HMGB1: variants seen among roughly 807,000 people sequenced by gnomAD.
HMGB1 encodes the protein high mobility group protein B1.
For missense variants in HMGB1, 79 were observed against 253.5 expected (o/e 0.31, Z 4.67); for synonymous variants, 81 against 84.0 (o/e 0.96, Z 0.19).
chr13:30,498,521 C>T (rs942003306), intron 1 of HMGB1, among the ~76,000 whole-genome samples: 1 of 151,976 alleles, frequency 6.6e-6, no homozygotes, highest in Non-Finnish European at 1.5e-5. Context: ...ACATCACTCA[C>T]TCTATCCCTT....
Position 30,471,514 on chromosome 13 carries a change from A to AT in HMGB1, c.-14-7821dup, listed in dbSNP as rs933222421. On this transcript the variant is annotated intron_variant, in intron 1 of 4. Coordinates refer to the HMGB1 transcript ENST00000405805. ...AGGCATGGGCCACCACACCTGGCTA[A>AT]TTTTTTTTTTTTGTATTTTTAGTAG... is the stretch of plus-strand genomic sequence containing the variant. 4.1e-3 allele frequency among the ~76,000 whole-genome samples: 570 copies of AT among 140,442 alleles called. 13 individuals are homozygous for AT. The highest frequency in any genetic ancestry group is 4.7e-3 in the African/African-American group (179 of 38,304). The allele number at this position is 140,442 out of a possible 152,430, so 92.1% of individuals were successfully genotyped here.
intron 1 of HMGB1, among the ~76,000 whole-genome samples, chr13:30,583,649 G>C (rs1463042128): frequency 1.3e-5 from 2 of 150,880 alleles, no homozygotes; most frequent in Non-Finnish European, 3.0e-5. Flanking sequence ...GACCATCCTG[G>C]CCAACATGGT....
intron 1 of HMGB1, among the ~76,000 whole-genome samples, chr13:30,490,762 G>A (rs1887472022): frequency 6.6e-6 from 1 of 151,884 alleles, no homozygotes; most frequent in African/African-American, 2.4e-5. Flanking sequence ...CAGCTTGGGC[G>A]ACAGAATAAG....
chr13:30,480,273 A>G (rs764232914), intron 1 of HMGB1, among the ~76,000 whole-genome samples: 8 of 152,274 alleles, frequency 5.3e-5, no homozygotes, highest in Non-Finnish European at 1.2e-4. Flanking sequence ...CAATGAATTC[A>G]GTCTACGTTT....
intron 1 of HMGB1, among the ~76,000 whole-genome samples, chr13:30,574,495 A>G (rs2137536767): frequency 6.6e-6 from 1 of 152,320 alleles, no homozygotes; most frequent in South Asian, 2.1e-4. Context: ...GACGGTAAAA[A>G]TTTCTTCTCA....
In HMGB1 at chr13:30,460,128, AAAG is replaced by A. The variant is rs1362982101; in HGVS notation, c.*1226_*1228del. The A allele has an allele frequency of 2.0e-5, 3 of 152,552 alleles. No individual in the cohort carries two copies. Among genetic ancestry groups the A allele is most frequent in the African/African-American group, 7.2e-5 (3 of 41,386 alleles). The allele number at this position is 152,552 out of a possible 1,614,324, so 9.4% of individuals were successfully genotyped here. ...TGACTAATGAATGAGTTTGTTTTGT[AAAG>A]AAAAATCATTCAAATAAATTGAATA... On this transcript the variant is annotated 3_prime_UTR_variant, in exon 5 of 5. Transcript: ENST00000341423.
chr13:30,464,664 C>G, intron 1 of HMGB1: 2 of 982,362 alleles, frequency 2.0e-6, no homozygotes, highest in Non-Finnish European at 2.4e-6. Flanking sequence ...CCGCGGCCGC[C>G]GGGGCCGGCG....
intron 1 of HMGB1, among the ~76,000 whole-genome samples, chr13:30,529,236 C>T (rs942735284): frequency 3.9e-5 from 6 of 152,056 alleles, no homozygotes; most frequent in African/African-American, 9.7e-5. Flanking sequence ...AGTCTCTCTG[C>T]GTGCCCCCTT....
At position 30,460,046 on chromosome 13, in the gene HMGB1, A is replaced by T. The variant is rs1410889841; in HGVS notation, c.*1311T>A. The T allele has an allele frequency of 3.3e-5, 5 of 152,608 alleles. No homozygotes were observed. Among genetic ancestry groups the T allele is most frequent in the Non-Finnish European group, 7.4e-5 (5 of 67,986 alleles). The allele number at this position is 152,608 out of a possible 1,614,324, so 9.5% of individuals were successfully genotyped here. A position where few individuals can be genotyped will look rare whatever the true frequency, so the allele number is the denominator to read the frequency against. On this transcript the variant is annotated 3_prime_UTR_variant, in exon 5 of 5. Coordinates refer to ENST00000341423, the MANE Select transcript of HMGB1 (RefSeq NM_002128.7). Reference sequence around the variant, plus strand: ...AATACTGGCACTTTAAGAAAACGATAATCTCGAAAACCACAAAATTGCCAA... The same window carrying T: ...AATACTGGCACTTTAAGAAAACGATTATCTCGAAAACCACAAAATTGCCAA...
chr13:30,537,652 C>CAT (rs58424009), intron 1 of HMGB1, among the ~76,000 whole-genome samples: 8,033 of 65,282 alleles, frequency 0.12, 827 homozygotes, highest in Non-Finnish European at 0.18. Context: ...CATTCTTGTT[C>CAT]ATATATATAT....
At chr13:30,517,592 C>T (rs1888128817) in intron 1 of HMGB1, among the ~76,000 whole-genome samples, 1 of 152,148 alleles carries the variant, frequency 6.6e-6, no homozygotes, top group Non-Finnish European at 1.5e-5. Context: ...TGGGGTTTCA[C>T]CATGTTGGCC....
At chr13:30,526,402 C>G (rs1003081431) in intron 1 of HMGB1, among the ~76,000 whole-genome samples, 3 of 152,176 alleles carry the variant, frequency 2.0e-5, no homozygotes, top group Admixed American at 6.5e-5. Context: ...TTCATTATTT[C>G]TCTAACTCTA....
At chr13:30,538,568 TTTTCTTTC>T (rs138089091) in intron 1 of HMGB1, among the ~76,000 whole-genome samples, 2 of 86,054 alleles carry the variant, frequency 2.3e-5, no homozygotes, top group African/African-American at 1.1e-4. Flanking sequence ...TCTTTCTTCT[TTTTCTTTC>T]TTTCTTTCTT....
At chr13:30,555,080 T>C (rs144392699) in intron 1 of HMGB1, among the ~76,000 whole-genome samples, 2,189 of 142,870 alleles carry the variant, frequency 0.015, 67 homozygotes, top group African/African-American at 0.052. Context: ...TCTGCTCTGT[T>C]GCCCAGGCTG....
chr13:30,462,950 T>C (rs931007852), intron 3 of HMGB1, among the ~76,000 whole-genome samples: 3 of 152,154 alleles, frequency 2.0e-5, no homozygotes, highest in Admixed American at 1.3e-4. Context: ...TTCAAAGGGA[T>C]AGTATTTTTC....
chr13:30,506,214 C>G (rs1373088888), intron 1 of HMGB1, among the ~76,000 whole-genome samples: 2 of 152,112 alleles, frequency 1.3e-5, no homozygotes, highest in Non-Finnish European at 2.9e-5. Flanking sequence ...TGGGGCCTTG[C>G]AGGGAGGAAT....
chr13:30,474,964 T>TTTTTTG lies in HMGB1; in HGVS notation c.-14-11271_-14-11270insCAAAAA, dbSNP rs1425545090. Among the ~76,000 whole-genome samples, 254 of 82,424 alleles carry TTTTTTG rather than the reference T, an allele frequency of 3.1e-3. 3 individuals carry two copies. Among genetic ancestry groups the TTTTTTG allele is most frequent in the African/African-American group, 0.01 (240 of 22,988 alleles). 54.1% of individuals were successfully genotyped at this position (82,424 alleles called of 152,430 possible). ...TTTTTTTCTTTTCTTTTTTTGTTTT[T>TTTTTTG]TTTTTTTTTTTTTTTTTGAGACAGG... On this transcript the variant is annotated intron_variant, in intron 1 of 4. Transcript: ENST00000405805.
At chr13:30,497,195 A>C (rs148898048) in intron 1 of HMGB1, among the ~76,000 whole-genome samples, 1 of 152,094 alleles carries the variant, frequency 6.6e-6, no homozygotes, top group East Asian at 1.9e-4. Context: ...CCCTCTCTTC[A>C]CTCACACTGA....
chr13:30,560,235 G>C (rs1046216907), intron 1 of HMGB1, among the ~76,000 whole-genome samples: 3 of 152,188 alleles, frequency 2.0e-5, no homozygotes, highest in East Asian at 3.8e-4. Context: ...GGAAAAAGTA[G>C]GGTCATGTAA....
Sources: gnomAD v4.1 joint callset for allele counts (sites outside exome capture counted in the v4.1 genomes callset) on GRCh38, gnomAD v4.1.1 for gene constraint, MANE v1.5 for transcripts, NCBI Gene and HGNC (gene_info 2026-07-23, HGNC 2026-07-21) for gene names.